Variants in TRAPPC6B observed in about 807,000 individuals in gnomAD.
TRAPPC6B encodes the protein TRAPP complex subunit 6B.
In TRAPPC6B, 27 loss-of-function variants were observed where a neutral mutation model predicts 24.7. That is an observed-to-expected ratio of 1.09 (90% CI 0.81 to 1.51). The LOEUF is 1.51. TRAPPC6B is among the 40% of genes most tolerant of loss of function. TRAPPC6B has a pLI of 0.00. For missense variants in TRAPPC6B, 212 were observed against 190.8 expected, an observed-to-expected ratio of 1.11 and a Z score of -0.66; for synonymous variants, 80 against 66.6, an observed-to-expected ratio of 1.20 and a Z score of -0.98.
At chr14:39,169,976 C>G (rs2053150512) in intron 1 of TRAPPC6B, 39 bp downstream of exon 1, 1 of 1,603,564 alleles carries the variant, frequency 6.2e-7, no homozygotes, top group African/African-American at 1.3e-5. Flanking sequence ...CAAGGTGTGT[C>G]ACCGCAAAAG....
rs1177674584 is a variant in TRAPPC6B, at chr14:39,147,901, G to A, written c.*2449C>T. On this transcript the variant is annotated 3_prime_UTR_variant, in exon 6 of 6. Coordinates refer to ENST00000330149, the MANE Select transcript of TRAPPC6B (RefSeq NM_001079537.2). ...CCCGCAGAAAAAGGCATATTCAATT[G>A]TCCCATACTAATTTTTGAATAACCT... 6.6e-6 allele frequency: 1 copy of A among 152,090 alleles called. No individual in the cohort carries two copies. The highest frequency in any genetic ancestry group is 1.5e-5 in the Non-Finnish European group (1 of 68,034). The allele number at this position is 152,090 out of a possible 1,614,324, so 9.4% of individuals were successfully genotyped here.
chr14:39,150,488 C>A, intron 5 of TRAPPC6B, 107 bp from the exon 6 acceptor site: 1 of 803,802 alleles, frequency 1.2e-6, no homozygotes, highest in South Asian at 1.7e-5. Context: ...AAGAAATCTG[C>A]TATGTCAAAA....
At chr14:39,156,101 T>C (rs965272933) in intron 3 of TRAPPC6B, among the ~76,000 whole-genome samples, 1 of 152,150 alleles carries the variant, frequency 6.6e-6, no homozygotes, top group African/African-American at 2.4e-5. Context: ...CCAGCTGATA[T>C]ATATTAGTAA....
intron 2 of TRAPPC6B, chr14:39,158,649 G>A (rs919088613): frequency 1.4e-4 from 52 of 367,602 alleles, no homozygotes; most frequent in Admixed American, 9.0e-4. Context: ...AGCCTCCCTA[G>A]CAGCTGAGAC....
chr14:39,151,233 A>G (rs2052907837), intron 5 of TRAPPC6B, among the ~76,000 whole-genome samples: 1 of 151,948 alleles, frequency 6.6e-6, no homozygotes, highest in African/African-American at 2.4e-5. Flanking sequence ...TACTAAAAAT[A>G]CAAAAAATTA....
At chr14:39,161,126 G>C (rs1251581148) in intron 1 of TRAPPC6B, among the ~76,000 whole-genome samples, 1 of 151,564 alleles carries the variant, frequency 6.6e-6, no homozygotes, top group Admixed American at 6.6e-5. Flanking sequence ...CTCCATGCTA[G>C]GTTTTTATTT....
intron 1 of TRAPPC6B, among the ~76,000 whole-genome samples, chr14:39,162,453 G>A (rs938092263): frequency 1.1e-4 from 16 of 152,020 alleles, no homozygotes; most frequent in Admixed American, 6.6e-4. Context: ...CACTGCACCT[G>A]GCACAAGGCA....
At chr14:39,167,029 G>A (rs372436217) in intron 1 of TRAPPC6B, among the ~76,000 whole-genome samples, 15 of 152,292 alleles carry the variant, frequency 9.8e-5, no homozygotes, top group African/African-American at 3.6e-4. Flanking sequence ...TGGGGAAGAA[G>A]AACCCACTGG....
chr14:39,161,312 A>G (rs969251985), intron 1 of TRAPPC6B, among the ~76,000 whole-genome samples: 1 of 152,214 alleles, frequency 6.6e-6, no homozygotes, highest in African/African-American at 2.4e-5. Flanking sequence ...ACATTTATTT[A>G]TCAACTCTAG....
At chr14:39,162,611 T>C (rs1320751824) in intron 1 of TRAPPC6B, among the ~76,000 whole-genome samples, 1 of 152,256 alleles carries the variant, frequency 6.6e-6, no homozygotes, top group Non-Finnish European at 1.5e-5. Context: ...TGTTTTTCCC[T>C]GAGTCATTTG....
chr14:39,159,663 C>T, intron 1 of TRAPPC6B, 113 bp from the exon 2 acceptor site: 1 of 646,466 alleles, frequency 1.5e-6, no homozygotes, highest in Non-Finnish European at 2.4e-6. Context: ...ATACTTTTTT[C>T]CCTGAAACAG....
At chr14:39,155,572 T>C (rs958119211) in intron 3 of TRAPPC6B, among the ~76,000 whole-genome samples, 1 of 151,430 alleles carries the variant, frequency 6.6e-6, no homozygotes, top group Non-Finnish European at 1.5e-5. Flanking sequence ...AGTCTTGCTC[T>C]GTCGCCCAGG....
intron 4 of TRAPPC6B, 78 bp downstream of exon 4, chr14:39,154,133 G>A: frequency 1.2e-6 from 1 of 847,844 alleles, no homozygotes; most frequent in South Asian, 1.6e-5. Context: ...TAATTCAATA[G>A]TTTGTTATGA....
rs1253719888 is a variant in TRAPPC6B at position 39,148,587 on chromosome 14, T to C, written c.*1763A>G. 1.4e-4 allele frequency: 54 copies of C among 398,254 alleles called. No homozygotes were observed. The East Asian group carries it at 1.8e-3, about 13-fold the overall frequency. The allele number at this position is 398,254 out of a possible 1,614,324, so 24.7% of individuals were successfully genotyped here. A position where few individuals can be genotyped will look rare whatever the true frequency, so the allele number is the denominator to read the frequency against. On this transcript the variant is annotated 3_prime_UTR_variant, in exon 6 of 6. Transcript: ENST00000330149. ...ACACAATTCTCACACCTGTTTTATTTTGAAGTTCTCTATTGTGTTCTATTT... is the reference window on the plus strand; with the variant it reads ...ACACAATTCTCACACCTGTTTTATTCTGAAGTTCTCTATTGTGTTCTATTT...
At chr14:39,159,647 A>G (rs966435557) in intron 1 of TRAPPC6B, 97 bp from the exon 2 acceptor site, 1 of 780,760 alleles carries the variant, frequency 1.3e-6, no homozygotes, top group Non-Finnish European at 1.9e-6. Context: ...ATTAATGTAA[A>G]CATTTATACT....
At chr14:39,152,967 C>T (rs942098915) in intron 4 of TRAPPC6B, among the ~76,000 whole-genome samples, 8 of 151,878 alleles carry the variant, frequency 5.3e-5, no homozygotes, top group Non-Finnish European at 1.2e-4. Context: ...TTTGTAATCA[C>T]GTCTGTAATC....
intron 1 of TRAPPC6B, among the ~76,000 whole-genome samples, chr14:39,163,410 C>G (rs2053078911): frequency 6.7e-6 from 1 of 149,568 alleles, no homozygotes; most frequent in Non-Finnish European, 1.5e-5. Context: ...ACATCAGCAT[C>G]ACATGGGAAC....
At chr14:39,154,184 A>C (rs745930709) in intron 4 of TRAPPC6B, 27 bp downstream of exon 4, 1 of 1,469,784 alleles carries the variant, frequency 6.8e-7, no homozygotes, top group African/African-American at 1.4e-5. Context: ...TATTAACAAA[A>C]ACCCCAACTT....
At position 39,149,315 on chromosome 14, in the gene TRAPPC6B, G is replaced by A. The variant is rs1282699246; in HGVS notation, c.*1035C>T. The A allele has an allele frequency of 6.6e-6, 1 of 152,220 alleles. No homozygotes were observed. The highest frequency in any genetic ancestry group is 1.5e-5 in the Non-Finnish European group (1 of 68,054). 9.4% of individuals were successfully genotyped at this position (152,220 alleles called of 1,614,324 possible). A position where few individuals can be genotyped will look rare whatever the true frequency, so the allele number is the denominator to read the frequency against. On this transcript the variant is annotated 3_prime_UTR_variant, in exon 6 of 6. Transcript: ENST00000330149. ...TTTGGTGTGTCAGTCACCCCCTGCT[G>A]CAGAGTTCCCTGTCACACAAATACA...
Sources: gnomAD v4.1 joint callset for allele counts (sites outside exome capture counted in the v4.1 genomes callset) on GRCh38, gnomAD v4.1.1 for gene constraint, MANE v1.5 for transcripts, NCBI Gene and HGNC (gene_info 2026-07-23, HGNC 2026-07-21) for gene names.